The following DTX1 variants were observed in gnomAD, a reference collection of about 807,000 sequenced individuals.
DTX1 encodes the protein E3 ubiquitin-protein ligase DTX1.
A neutral mutation model predicts 57.8 loss-of-function variants in DTX1; 26 were observed. The observed-to-expected ratio is 0.45, with a 90% CI of 0.33 to 0.62. The LOEUF is 0.62. DTX1 is among the 20% of genes least tolerant of loss of function. The pLI is 0.02. For synonymous variants in DTX1, 398 were observed against 394.1 expected, an observed-to-expected ratio of 1.01 and a Z score of -0.12; for missense variants, 704 against 895.3, an observed-to-expected ratio of 0.79 and a Z score of 2.73.
intron 6 of DTX1, among the ~76,000 whole-genome samples, chr12:113,094,485 G>A (rs1950270947): frequency 6.6e-6 from 1 of 152,108 alleles, no homozygotes; most frequent in African/African-American, 2.4e-5. Context: ...GGCTGAGGCA[G>A]GAGGATCTCT....
At chr12:113,069,748 C>G (rs1043285198) in intron 2 of DTX1, among the ~76,000 whole-genome samples, 3 of 152,146 alleles carry the variant, frequency 2.0e-5, no homozygotes. Context: ...AGCACACACA[C>G]CCCTGGGGCT....
At chr12:113,078,157 C>A in intron 3 of DTX1, 52 bp downstream of exon 3, 2 of 1,285,704 alleles carry the variant, frequency 1.6e-6, no homozygotes, top group East Asian at 3.4e-5. Context: ...CAGGCAAGGA[C>A]GAAGCCCGGG....
rs1322205816 is a variant in DTX1, at chr12:113,093,171, A to C, written c.951A>C (p.Ala317=). The C allele has an allele frequency of 1.9e-6, 3 of 1,597,760 alleles. No homozygotes were observed. The highest frequency in any genetic ancestry group is 2.6e-6 in the Non-Finnish European group (3 of 1,172,758). ...TCTCTTCTCCCCGCAGGGTCCCCGC[A>C]CTCCCGGTGAAGAACTTGAATGGTA... ...ARASIPPGVP[A]LPVKNLNGTG... Residue 317 remains alanine (A), a synonymous_variant, in exon 4 of 10, where the codon GCA becomes GCC. Coordinates refer to ENST00000548759, the MANE Select transcript of DTX1 (RefSeq NM_004416.3). This position sits in a 1 kb window ranked among gnomAD's most constrained non-coding sequence, Gnocchi z 4.2.
intron 2 of DTX1, among the ~76,000 whole-genome samples, chr12:113,071,772 G>A (rs894576223): frequency 1.2e-4 from 19 of 152,262 alleles, no homozygotes; most frequent in South Asian, 2.1e-4. Context: ...CCGGAGAGGC[G>A]GACGGATGGG....
chr12:113,086,089 G>A (rs2136063588), intron 3 of DTX1, among the ~76,000 whole-genome samples: 1 of 152,026 alleles, frequency 6.6e-6, no homozygotes, highest in Middle Eastern at 3.4e-3. Context: ...ACAACATAGT[G>A]AGACTCCACC....
intron 3 of DTX1, 111 bp downstream of exon 3, chr12:113,078,216 C>G: frequency 2.3e-6 from 2 of 872,324 alleles, no homozygotes; most frequent in South Asian, 4.2e-5. Flanking sequence ...ATAATAATGA[C>G]GATAAGTAAT....
Position 113,077,650 on chromosome 12 carries a change from G to A in DTX1, c.486G>A (p.Gln162=). 1 of 1,597,242 alleles carries A rather than the reference G, an allele frequency of 6.3e-7. No homozygotes were observed. Among genetic ancestry groups the A allele is most frequent in the Non-Finnish European group, 8.5e-7 (1 of 1,174,120 alleles). The part of the protein sequence containing the change: ...YFNSMSQMNR[Q]TRRRRRLRRR... ...ACAGCATGTCGCAGATGAACCGCCA[G>A]ACGCGCCGGCGCCGCCGCCTGCGCC... The change falls in exon 3 of 10, where the codon CAG becomes CAA. Residue 162 remains glutamine (Q), a synonymous_variant. Coordinates refer to ENST00000548759, the MANE Select transcript of DTX1 (RefSeq NM_004416.3). This position sits in a 1 kb window ranked among gnomAD's most constrained non-coding sequence, Gnocchi z 7.8.
chr12:113,096,278 A>T (rs1950290590), intron 9 of DTX1, among the ~76,000 whole-genome samples: 1 of 150,966 alleles, frequency 6.6e-6, no homozygotes, highest in Admixed American at 6.6e-5. Flanking sequence ...CCGAGGTGGG[A>T]GGATCACTTG....
chr12:113,077,415 C>A lies in DTX1; in HGVS notation c.260-9C>A. ...CTGTGCTGACGCCTCCTCCCCATTT[C>A]GAGTACAGGCACCATGCGGCCCGTG... On this transcript the variant is annotated splice_polypyrimidine_tract_variant and intron_variant, in intron 2 of 9. Coordinates refer to ENST00000548759, the MANE Select transcript of DTX1 (RefSeq NM_004416.3). The surrounding 1 kb of genome is among the most constrained non-coding windows in gnomAD (Gnocchi z 7.8). 6.3e-7 allele frequency: 1 copy of A among 1,590,528 alleles called. No homozygotes were observed.
Position 113,093,082 on chromosome 12 carries a change from G to GA in DTX1, c.942-79dup. The GA allele has an allele frequency of 6.9e-7, 1 of 1,459,746 alleles. No individual in the cohort carries two copies. Among genetic ancestry groups the GA allele is most frequent in the Non-Finnish European group, 9.4e-7 (1 of 1,065,782 alleles). 90.4% of individuals were successfully genotyped at this position (1,459,746 alleles called of 1,614,324 possible). ...GCCAGGGTGTGTGGCCCAGGAGCCA[G>GA]AGACAGAAGGCAAGCCAGGTCCCCT... On this transcript the variant is annotated intron_variant, in intron 3 of 9. Coordinates refer to ENST00000548759, the MANE Select transcript of DTX1 (RefSeq NM_004416.3). This position sits in a 1 kb window ranked among gnomAD's most constrained non-coding sequence, Gnocchi z 4.2.
chr12:113,058,096 T>TC lies in DTX1; in HGVS notation c.-92dup. The TC allele has an allele frequency of 6.9e-7, 1 of 1,446,780 alleles. No homozygotes were observed. Among genetic ancestry groups the TC allele is most frequent in the South Asian group, 1.5e-5 (1 of 68,678 alleles). The allele number at this position is 1,446,780 out of a possible 1,614,324, so 89.6% of individuals were successfully genotyped here. On this transcript the variant is annotated 5_prime_UTR_variant, in exon 2 of 10. Transcript: ENST00000548759. Reference sequence around the variant, plus strand: ...AAAGGAGGCCAGACGGTCCTTGCTGTCCCCCTGGGGAGAGAGGAAGTTGCC... The same window carrying TC: ...AAAGGAGGCCAGACGGTCCTTGCTGTCCCCCCTGGGGAGAGAGGAAGTTGCC...
chr12:113,067,186 T>C (rs1199544195), intron 2 of DTX1, among the ~76,000 whole-genome samples: 3 of 151,922 alleles, frequency 2.0e-5, no homozygotes, highest in Non-Finnish European at 4.4e-5. Context: ...CTTGTCCCGA[T>C]GACCGACTGG....
Position 113,077,323 on chromosome 12 carries a change from C to A in DTX1, c.260-101C>A, listed in dbSNP as rs2044779204. ...GGACCCCCTGGAGGCCTGTGCTGAC[C>A]CCCCAACCTCCCGCCCACCCTTGCC... On this transcript the variant is annotated intron_variant, in intron 2 of 9. Transcript: ENST00000548759. The surrounding 1 kb of genome is among the most constrained non-coding windows in gnomAD (Gnocchi z 7.8). 3 of 1,349,502 alleles carry A rather than the reference C, an allele frequency of 2.2e-6. No homozygotes were observed. In the South Asian group the frequency reaches 4.4e-5, roughly 20 times the overall value. The allele number at this position is 1,349,502 out of a possible 1,614,324, so 83.6% of individuals were successfully genotyped here. A position where few individuals can be genotyped will look rare whatever the true frequency, so the allele number is the denominator to read the frequency against.
chr12:113,083,016 G>A (rs1277449050), intron 3 of DTX1, among the ~76,000 whole-genome samples: 3 of 152,154 alleles, frequency 2.0e-5, no homozygotes, highest in East Asian at 1.9e-4. Context: ...CCGAGATCAC[G>A]GTGTCACAGG....
chr12:113,094,989 G>A (rs2305905), intron 7 of DTX1, 42 bp downstream of exon 7: 170 of 1,605,910 alleles, frequency 1.1e-4, no homozygotes, highest in Non-Finnish European at 1.4e-4. Flanking sequence ...GGCAGGGAAC[G>A]GAGTGGGGTT....
chr12:113,062,812 CTG>C (rs1566013069), intron 2 of DTX1, among the ~76,000 whole-genome samples: 1 of 152,252 alleles, frequency 6.6e-6, no homozygotes, highest in Non-Finnish European at 1.5e-5. Context: ...CCCACAGGGG[CTG>C]CGGTTTGTTC....
chr12:113,078,026 A>G lies in DTX1; in HGVS notation c.862A>G (p.Thr288Ala). The G allele has an allele frequency of 8.4e-7, 1 of 1,196,270 alleles. No individual in the cohort carries two copies. The allele number at this position is 1,196,270 out of a possible 1,614,324, so 74.1% of individuals were successfully genotyped here. Reference sequence around the variant, plus strand: ...CCCGGGCGCCCCCGGCGGAGCGCGCACCCCGGGGCAGAACAACCTCAACCG... The same window carrying G: ...CCCGGGCGCCCCCGGCGGAGCGCGCGCCCCGGGGCAGAACAACCTCAACCG... ...RSPGAPGGAR[T>A]PGQNNLNRPG... The change falls in exon 3 of 10, where the codon ACC becomes GCC. Residue 288 changes from threonine (T) to alanine (A), a missense_variant. Thr to Ala is a moderately conservative substitution (Grantham distance 58). Coordinates refer to ENST00000548759, the MANE Select transcript of DTX1 (RefSeq NM_004416.3).
chr12:113,077,997 G>T lies in DTX1; in HGVS notation c.833G>T (p.Arg278Leu). The T allele has an allele frequency of 8.2e-6, 9 of 1,093,240 alleles. No individual in the cohort carries two copies. Among genetic ancestry groups the T allele is most frequent in the Non-Finnish European group, 8.9e-6 (8 of 900,228 alleles). The allele number at this position is 1,093,240 out of a possible 1,614,324, so 67.7% of individuals were successfully genotyped here. Reference protein sequence around the residue: ...EPAPPPGAPPRSPGAPGGART... With the variant: ...EPAPPPGAPPLSPGAPGGART... ...GCGCCGCCTCCCGGGGCGCCCCCAC[G>T]GAGCCCGGGCGCCCCCGGCGGAGCG... The change falls in exon 3 of 10, where the codon CGG (arginine) becomes CTG (leucine). Residue 278 changes from arginine to leucine, a missense_variant. Arg to Leu is a moderately radical substitution (Grantham distance 102). Around this residue, in one of 3 missense-constraint regions of DTX1, gnomAD observed 299 missense variants for 311.2 expected, o/e 0.96. Transcript: ENST00000548759. The surrounding 1 kb of genome is among the most constrained non-coding windows in gnomAD (Gnocchi z 7.8).
rs773620428 is a variant in DTX1, at chr12:113,093,585, G to A, written c.1050G>A (p.Leu350=). ...LLCAAGLPVC[L]TRAPKPILHP... is the part of the protein sequence containing the mutation. The stretch of plus-strand genomic sequence containing the variant: ...GCGCGGCCGGGCTGCCCGTGTGCCT[G>A]ACGCGGGCCCCCAAGCCCATCCTGC... The change falls in exon 5 of 10, where the codon CTG becomes CTA. Residue 350 remains leucine (L), a synonymous_variant. Transcript: ENST00000548759. This position sits in a 1 kb window ranked among gnomAD's most constrained non-coding sequence, Gnocchi z 4.2. 5.0e-6 allele frequency: 8 copies of A among 1,611,380 alleles called. No individual in the cohort carries two copies. In the East Asian group the frequency reaches 1.6e-4, roughly 31 times the overall value.
Sources: gnomAD v4.1 joint callset for allele counts (sites outside exome capture counted in the v4.1 genomes callset) on GRCh38, gnomAD v4.1.1 for gene constraint, gnomAD v4.1.1 regional missense constraint, Gnocchi (gnomAD v3.1) non-coding constraint, MANE v1.5 for transcripts, NCBI Gene and HGNC (gene_info 2026-07-23, HGNC 2026-07-21) for gene names.